Variants in MYCBP2 observed in about 807,000 individuals in gnomAD.
MYCBP2 encodes the protein MYC binding protein 2.
In MYCBP2, 120 loss-of-function variants were observed where a neutral mutation model predicts 525.3. The ratio of observed to expected loss-of-function variants is 0.23; its 90% confidence interval spans 0.20 to 0.27. The LOEUF (loss-of-function observed/expected upper bound fraction) is 0.27, where lower values mean the gene tolerates loss of function less well. MYCBP2 is among the 10% of genes least tolerant of loss of function. The pLI, the probability that MYCBP2 is intolerant of heterozygous loss-of-function variation, is 1.00. For missense variants in MYCBP2, 4,149 were observed against 5,657.1 expected (o/e 0.73, Z 8.55); for synonymous variants, 1,894 against 1,955.8 (o/e 0.97, Z 0.83).
intron 20 of MYCBP2, among the ~76,000 whole-genome samples, chr13:77,223,998 G>C (rs994302652): frequency 4.6e-5 from 7 of 152,158 alleles, no homozygotes; most frequent in Admixed American, 4.6e-4. Context: ...TAATCAGAGA[G>C]ACCAATAGGT....
chr13:77,106,976 T>C (rs2047952797), intron 55 of MYCBP2, among the ~76,000 whole-genome samples: 1 of 152,192 alleles, frequency 6.6e-6, no homozygotes. Flanking sequence ...AATGGTCAAA[T>C]AGCACTGTAT....
intron 4 of MYCBP2, among the ~76,000 whole-genome samples, chr13:77,276,029 A>G (rs1186633123): frequency 6.6e-6 from 1 of 152,162 alleles, no homozygotes; most frequent in African/African-American, 2.4e-5. Flanking sequence ...TTTCCTCCAT[A>G]CGATTTATCC....
At chr13:77,256,519 C>G (rs952184551) in intron 14 of MYCBP2, among the ~76,000 whole-genome samples, 1 of 151,844 alleles carries the variant, frequency 6.6e-6, no homozygotes, top group Non-Finnish European at 1.5e-5. Context: ...TCCTAATTCA[C>G]AAATATAACG....
At position 77,093,341 on chromosome 13, in the gene MYCBP2, A is replaced by C; in HGVS notation, c.10200-9T>G. 1 of 1,611,712 alleles carries C rather than the reference A, an allele frequency of 6.2e-7. No homozygotes were observed. The highest frequency in any genetic ancestry group is 1.1e-5 in the South Asian group (1 of 90,804). On this transcript the variant is annotated splice_polypyrimidine_tract_variant and intron_variant, in intron 58 of 82. Transcript: ENST00000544440. ...AATTTTCATGATGATGCCTGCATTA[A>C]ATCAAACCCAATAACTTAAAGCATG...
chr13:77,057,147 G>T, intron 78 of MYCBP2, 54 bp from the exon 79 acceptor site: 2 of 1,229,248 alleles, frequency 1.6e-6, no homozygotes, highest in South Asian at 1.2e-5. Context: ...ATAAACAGTT[G>T]AGTGACTGGG....
At chr13:77,156,296 T>A in intron 45 of MYCBP2, 94 bp from the exon 46 acceptor site, 1 of 1,190,598 alleles carries the variant, frequency 8.4e-7, no homozygotes, top group South Asian at 1.7e-5. Flanking sequence ...ACAAAACTTG[T>A]ATCAAACAAA....
intron 46 of MYCBP2, among the ~76,000 whole-genome samples, 181 bp downstream of exon 46, chr13:77,155,877 G>A (rs150794561): frequency 6.6e-6 from 1 of 152,202 alleles, no homozygotes; most frequent in Non-Finnish European, 1.5e-5. Context: ...AAAAAAACAG[G>A]TGTAACTTGG....
intron 7 of MYCBP2, among the ~76,000 whole-genome samples, chr13:77,268,828 A>G (rs1488374034): frequency 3.3e-5 from 5 of 152,200 alleles, no homozygotes; most frequent in Non-Finnish European, 7.3e-5. Flanking sequence ...TAGGTGATAC[A>G]GTAGAATTAT....
chr13:77,294,799 T>C (rs1252885714), intron 2 of MYCBP2, among the ~76,000 whole-genome samples: 7 of 152,180 alleles, frequency 4.6e-5, no homozygotes, highest in African/African-American at 7.2e-5. Flanking sequence ...AACAGATTAT[T>C]TTTCTGCCTA....
At chr13:77,256,765 T>C (rs1175424399) in intron 14 of MYCBP2, among the ~76,000 whole-genome samples, 1 of 152,070 alleles carries the variant, frequency 6.6e-6, no homozygotes, top group Admixed American at 6.6e-5. Context: ...AAGGGAACAC[T>C]TGTACACTGT....
chr13:77,270,039 G>C lies in MYCBP2; in HGVS notation c.1213C>G (p.Arg405Gly). The C allele has an allele frequency of 6.8e-6, 11 of 1,611,718 alleles. No individual in the cohort carries two copies. The highest frequency in any genetic ancestry group is 8.5e-6 in the Non-Finnish European group (10 of 1,179,260). ...TTTTTTTCTTTTCTGTTTCTAATACGGGATGTAGAATTGTATATATGGCCC... is the reference window on the plus strand; with the variant it reads ...TTTTTTTCTTTTCTGTTTCTAATACCGGATGTAGAATTGTATATATGGCCC... The part of the protein sequence containing the change: ...VRGHIYNSTS[R>G]IRNRKEKKSW... Residue 405 changes from arginine (R) to glycine (G), a missense_variant, in exon 7 of 83, where the codon CGT becomes GGT. Arg to Gly is a moderately radical substitution (Grantham distance 125). Around this residue, in one of 21 missense-constraint regions of MYCBP2, gnomAD observed 262 missense variants for 419.3 expected, o/e 0.62. Transcript: ENST00000544440.
At chr13:77,068,479 T>C in intron 70 of MYCBP2, 86 bp downstream of exon 70, 1 of 1,462,260 alleles carries the variant, frequency 6.8e-7, no homozygotes, top group Non-Finnish European at 9.2e-7. Context: ...ATACTTAGGG[T>C]CCTTAGATAA....
chr13:77,151,056 A>G (rs1465545735), intron 46 of MYCBP2, 107 bp from the exon 47 acceptor site: 7 of 904,142 alleles, frequency 7.7e-6, no homozygotes, highest in Admixed American at 4.6e-5. Flanking sequence ...ACTTTATGTT[A>G]GCATTGGTCT....
chr13:77,166,587 GAT>G, intron 40 of MYCBP2, 33 bp from the exon 41 acceptor site: 20 of 1,449,314 alleles, frequency 1.4e-5, no homozygotes, highest in South Asian at 3.6e-5. Flanking sequence ...CATGAATACA[GAT>G]ATATATATAC....
intron 80 of MYCBP2, 73 bp downstream of exon 80, chr13:77,055,485 T>C: frequency 3.3e-6 from 4 of 1,206,984 alleles, no homozygotes; most frequent in East Asian, 2.4e-5. Flanking sequence ...TAGATATCAC[T>C]GTACAATTTG....
At chr13:77,147,717 A>G (rs1163689438) in intron 47 of MYCBP2, among the ~76,000 whole-genome samples, 1 of 152,128 alleles carries the variant, frequency 6.6e-6, no homozygotes, top group East Asian at 1.9e-4. Context: ...GACTTTCAGT[A>G]CAATGTATTT....
chr13:77,051,935 T>TATGC lies in MYCBP2; in HGVS notation c.13648-18_13648-17insGCAT. On this transcript the variant is annotated splice_polypyrimidine_tract_variant and intron_variant, in intron 80 of 82. Coordinates refer to ENST00000544440, the MANE Select transcript of MYCBP2 (RefSeq NM_015057.5). Reference sequence around the variant, plus strand: ...AAAATATGCCTGTGGAGAAAACACATCTAGATTACAGCAGGAAAAAAGAAA... The same window carrying TATGC: ...AAAATATGCCTGTGGAGAAAACACATATGCCTAGATTACAGCAGGAAAAAAGAAA... 1 of 1,602,918 alleles carries TATGC rather than the reference T, an allele frequency of 6.2e-7. No individual in the cohort carries two copies. Among genetic ancestry groups the TATGC allele is most frequent in the Admixed American group, 1.7e-5 (1 of 59,938 alleles).
chr13:77,202,936 T>C (rs1400312120), intron 26 of MYCBP2, among the ~76,000 whole-genome samples: 3 of 152,210 alleles, frequency 2.0e-5, no homozygotes, highest in South Asian at 2.1e-4. Flanking sequence ...ACAGCCAGTA[T>C]CATACTGAAT....
chr13:77,326,867 G>T lies in MYCBP2; in HGVS notation c.-92C>A. On this transcript the variant is annotated 5_prime_UTR_variant, in exon 1 of 83. Transcript: ENST00000544440. The surrounding 1 kb of genome is among the most constrained non-coding windows in gnomAD (Gnocchi z 4.2). ...CACACAGCCCTTTTCCAACGACGAC[G>T]GCTCCGGCGGCGGCCTCTGGCTCCC... 1 of 1,235,644 alleles carries T rather than the reference G, an allele frequency of 8.1e-7. No individual in the cohort carries two copies. Among genetic ancestry groups the T allele is most frequent in the Non-Finnish European group, 1.0e-6 (1 of 963,746 alleles). The allele number at this position is 1,235,644 out of a possible 1,614,324, so 76.5% of individuals were successfully genotyped here.
Sources: allele counts gnomAD v4.1 joint callset (sites outside exome capture counted in the v4.1 genomes callset), GRCh38; gene constraint gnomAD v4.1.1; regional missense constraint gnomAD v4.1.1; non-coding constraint Gnocchi (gnomAD v3.1); transcripts MANE v1.5; gene names NCBI Gene and HGNC (gene_info 2026-07-23, HGNC 2026-07-21).